MACROD2: variants seen among roughly 807,000 people sequenced by gnomAD.
The protein encoded by MACROD2 is mono-ADP ribosylhydrolase 2.
Under a neutral mutation model 70.4 loss-of-function variants are expected in MACROD2, and 36 were observed. That is an observed-to-expected ratio of 0.51 (90% CI 0.39 to 0.68). The LOEUF (loss-of-function observed/expected upper bound fraction) is 0.68. Among genes scored for constraint, MACROD2 ranks in the 30% least tolerant of loss-of-function variants. The probability of loss-of-function intolerance (pLI) is 0.00; values close to 1 mark genes in which losing one functional copy is unlikely to be tolerated. For missense variants in MACROD2, 496 were observed against 538.4 expected (o/e 0.92, Z 0.78); for synonymous variants, 172 against 178.8 (o/e 0.96, Z 0.30).
At chr20:14,738,502 C>T (rs892976932) in intron 5 of MACROD2, among the ~76,000 whole-genome samples, 4 of 152,168 alleles carry the variant, frequency 2.6e-5, no homozygotes, top group African/African-American at 9.6e-5. Flanking sequence ...CGTTATTTTT[C>T]CCCTCATTGA....
chr20:15,182,130 T>C (rs140836640), intron 5 of MACROD2, among the ~76,000 whole-genome samples: 52 of 152,326 alleles, frequency 3.4e-4, no homozygotes, highest in African/African-American at 1.1e-3. Context: ...ATAGTCTAAG[T>C]AAAACTCTGC....
intron 8 of MACROD2, among the ~76,000 whole-genome samples, chr20:15,641,039 G>A (rs1056121984): frequency 2.0e-5 from 3 of 152,310 alleles, no homozygotes; most frequent in African/African-American, 4.8e-5. Flanking sequence ...TCTTACATAT[G>A]CACATTATTT....
chr20:15,312,454 A>G (rs1051467744), intron 6 of MACROD2, among the ~76,000 whole-genome samples: 1 of 152,168 alleles, frequency 6.6e-6, no homozygotes, highest in Non-Finnish European at 1.5e-5. Context: ...CATAGATCAG[A>G]TGATTTGATG....
intron 2 of MACROD2, among the ~76,000 whole-genome samples, chr20:14,080,442 CAAAAAAA>C: frequency 1.6e-5 from 1 of 64,078 alleles, no homozygotes; most frequent in South Asian, 8.4e-4. Flanking sequence ...AACCCCGTCT[CAAAAAAA>C]AAAAAAAAAA....
intron 3 of MACROD2, among the ~76,000 whole-genome samples, chr20:14,464,808 G>A (rs6079455): frequency 6.6e-6 from 1 of 152,042 alleles, no homozygotes; most frequent in African/African-American, 2.4e-5. Context: ...TAGTCATTCA[G>A]GAGCAGGTTG....
At chr20:15,593,820 A>C (rs898125472) in intron 8 of MACROD2, among the ~76,000 whole-genome samples, 2 of 152,214 alleles carry the variant, frequency 1.3e-5, no homozygotes, top group African/African-American at 4.8e-5. Context: ...TTCATATCAT[A>C]TCAGCTTGTT....
chr20:15,531,489 A>C (rs747757177), intron 8 of MACROD2, among the ~76,000 whole-genome samples: 3 of 152,124 alleles, frequency 2.0e-5, no homozygotes, highest in Non-Finnish European at 2.9e-5. Context: ...ATTGTAGGAA[A>C]ATAAAAACTT....
chr20:15,888,580 C>T (rs1197578566), intron 10 of MACROD2, among the ~76,000 whole-genome samples: 1 of 152,140 alleles, frequency 6.6e-6, no homozygotes, highest in Non-Finnish European at 1.5e-5. Flanking sequence ...AATGCTAATG[C>T]AGAGTCCCCA....
chr20:14,326,372 C>T lies in MACROD2; in HGVS notation c.272-167107C>T, dbSNP rs780013962. 37 of 1,613,774 alleles carry T rather than the reference C, an allele frequency of 2.3e-5. No homozygotes were observed. The highest frequency in any genetic ancestry group is 3.3e-4 in the Middle Eastern group (2 of 6,080). ...TTGGTCACTGGAGCTGGCCACTGTC[C>T]TTGGGCAGGATACACTGTGTTGGGT... On this transcript the variant is annotated intron_variant, in intron 3 of 17. Coordinates refer to ENST00000684519, the MANE Select transcript of MACROD2 (RefSeq NM_001351661.2). This position sits in a 1 kb window ranked among gnomAD's most constrained non-coding sequence, Gnocchi z 5.5.
chr20:14,108,154 T>A (rs1366881092), intron 3 of MACROD2, among the ~76,000 whole-genome samples: 1 of 152,080 alleles, frequency 6.6e-6, no homozygotes, highest in Non-Finnish European at 1.5e-5. Flanking sequence ...ATTAGTTTTT[T>A]TTTCTTGTTT....
At chr20:15,772,256 A>ACAATGTTG in intron 8 of MACROD2, among the ~76,000 whole-genome samples, 1 of 151,568 alleles carries the variant, frequency 6.6e-6, no homozygotes, top group East Asian at 1.9e-4. Context: ...CTATGATGTT[A>ACAATGTTG]CAATGTTGCA....
At chr20:14,970,854 C>A in intron 5 of MACROD2, among the ~76,000 whole-genome samples, 1 of 152,060 alleles carries the variant, frequency 6.6e-6, no homozygotes, top group East Asian at 1.9e-4. Context: ...TATGCTCAAG[C>A]AATCCTCCCA....
At chr20:15,611,266 TC>T (rs1387126349) in intron 8 of MACROD2, among the ~76,000 whole-genome samples, 1 of 152,074 alleles carries the variant, frequency 6.6e-6, no homozygotes, top group African/African-American at 2.4e-5. Context: ...TAACTGAGTC[TC>T]AAAGAAGTTA....
intron 5 of MACROD2, among the ~76,000 whole-genome samples, chr20:14,747,432 A>G (rs2071813654): frequency 6.6e-6 from 1 of 152,180 alleles, no homozygotes; most frequent in Non-Finnish European, 1.5e-5. Flanking sequence ...AGGAGTAGAA[A>G]GATTGACAAC....
intron 5 of MACROD2, among the ~76,000 whole-genome samples, chr20:15,102,084 T>A (rs976156934): frequency 1.3e-5 from 2 of 151,980 alleles, no homozygotes; most frequent in African/African-American, 2.4e-5. Context: ...TTGCAATGCA[T>A]GGACAGGTGT....
chr20:15,783,930 G>A (rs909428779), intron 8 of MACROD2, among the ~76,000 whole-genome samples: 1 of 152,088 alleles, frequency 6.6e-6, no homozygotes, highest in African/African-American at 2.4e-5. Context: ...GCTGACCCAC[G>A]ATGAGGAAAG....
intron 3 of MACROD2, among the ~76,000 whole-genome samples, chr20:14,355,845 T>A (rs1210889952): frequency 1.3e-5 from 2 of 152,204 alleles, no homozygotes; most frequent in African/African-American, 4.8e-5. Context: ...CATTTCAGCC[T>A]TGAGATTATT....
intron 5 of MACROD2, among the ~76,000 whole-genome samples, chr20:14,921,412 A>C (rs1413013391): frequency 6.6e-6 from 1 of 152,192 alleles, no homozygotes; most frequent in Non-Finnish European, 1.5e-5. Context: ...TGATCCAGAA[A>C]AATTTAAGAT....
intron 8 of MACROD2, among the ~76,000 whole-genome samples, chr20:15,692,686 C>T (rs1192162982): frequency 6.6e-6 from 1 of 152,100 alleles, no homozygotes; most frequent in Admixed American, 6.5e-5. Context: ...GACCTCAAGT[C>T]CTAATGACAA....
Sources: gnomAD v4.1 joint callset for allele counts (sites outside exome capture counted in the v4.1 genomes callset) on GRCh38, gnomAD v4.1.1 for gene constraint, Gnocchi (gnomAD v3.1) non-coding constraint, MANE v1.5 for transcripts, NCBI Gene and HGNC (gene_info 2026-07-23, HGNC 2026-07-21) for gene names.